The following SLC5A1 variants were observed in gnomAD, a reference collection of about 807,000 sequenced individuals.
SLC5A1 encodes sodium/glucose cotransporter 1.
SLC5A1 carries 42 observed loss-of-function variants against 73.5 expected under a neutral mutation model. The ratio of observed to expected loss-of-function variants is 0.57; its 90% CI spans 0.45 to 0.74. The LOEUF (loss-of-function observed/expected upper bound fraction) is 0.74, where lower values mean the gene tolerates loss of function less well. SLC5A1 is among the 30% of genes least tolerant of loss of function. The probability of loss-of-function intolerance (pLI) is 0.00; values close to 1 mark genes in which losing one functional copy is unlikely to be tolerated. For synonymous variants in SLC5A1, 300 were observed against 317.4 expected, an observed-to-expected ratio of 0.95 and a Z score of 0.58; for missense variants, 634 against 855.4, an observed-to-expected ratio of 0.74 and a Z score of 3.23.
chr22:32,101,764 A>G lies in SLC5A1; in HGVS notation c.1450-258A>G, dbSNP rs572346511. ...GTTATTAGACACTTTACCCCATTATATTATGGCTCCTTGTTTAATGATCGA... is the reference window on the plus strand; with the variant it reads ...GTTATTAGACACTTTACCCCATTATGTTATGGCTCCTTGTTTAATGATCGA... On this transcript the variant is annotated intron_variant, in intron 12 of 14. Transcript: ENST00000266088. Among the ~76,000 whole-genome samples the G allele has an allele frequency of 3.3e-5, 5 of 152,246 alleles. No individual in the cohort carries two copies. The East Asian group carries it at 9.7e-4, about 29-fold the overall frequency.
chr22:32,055,887 CTCAAACTG>C (rs1401429116), intron 2 of SLC5A1, among the ~76,000 whole-genome samples: 5 of 152,208 alleles, frequency 3.3e-5, no homozygotes, highest in Non-Finnish European at 7.3e-5. Context: ...GGATGGGGCT[CTCAAACTG>C]TGGTACCCAG....
rs200347872 is a variant in SLC5A1 at position 32,084,857 on chromosome 22, G to A, written c.886-43G>A. The A allele has an allele frequency of 4.6e-5, 74 of 1,612,822 alleles. 1 individual carries two copies. In the African/African-American group the frequency reaches 7.2e-4, roughly 16 times the overall value. On this transcript the variant is annotated intron_variant, in intron 8 of 14. Coordinates refer to ENST00000266088, the MANE Select transcript of SLC5A1 (RefSeq NM_000343.4). ...CTAGGAAGTACAAAGGTGTCACAGGGTCTCTGGTCTGCACACCTCCCTTAC... is the reference window on the plus strand; with the variant it reads ...CTAGGAAGTACAAAGGTGTCACAGGATCTCTGGTCTGCACACCTCCCTTAC...
Position 32,085,001 on chromosome 22 carries a change from G to A in SLC5A1, c.987G>A (p.Val329=), listed in dbSNP as rs770305399. The A allele has an allele frequency of 5.6e-6, 9 of 1,614,162 alleles. No homozygotes were observed. The Admixed American group carries it at 1.2e-4, about 21-fold the overall frequency. The change falls in exon 9 of 15, where the codon GTG becomes GTA. Residue 329 remains valine, a synonymous_variant. Coordinates refer to ENST00000266088, the MANE Select transcript of SLC5A1 (RefSeq NM_000343.4). ...YLKLMPMFIM[V]MPGMISRILY... ...AGCTGATGCCCATGTTCATCATGGT[G>A]ATGCCAGGAATGATCAGCCGCATTC...
chr22:32,068,767 G>A (rs2093978321), intron 5 of SLC5A1, among the ~76,000 whole-genome samples, 167 bp downstream of exon 5: 1 of 152,010 alleles, frequency 6.6e-6, no homozygotes, highest in Non-Finnish European at 1.5e-5. Flanking sequence ...GGAGCCAATG[G>A]AATTCAATGG....
chr22:32,091,834 C>T lies in SLC5A1; in HGVS notation c.1280+72C>T, dbSNP rs1031735417. ...GGTTCCATCTGTGTTACCCCTCAAG[C>T]TAGGGAAGGTTGGCAGATGCCTGGG... is the stretch of plus-strand genomic sequence containing the variant. On this transcript the variant is annotated intron_variant, in intron 11 of 14. Coordinates refer to ENST00000266088, the MANE Select transcript of SLC5A1 (RefSeq NM_000343.4). 7.2e-6 allele frequency: 11 copies of T among 1,533,226 alleles called. No individual in the cohort carries two copies. The Admixed American group carries it at 8.4e-5, about 12-fold the overall frequency. The allele number at this position is 1,533,226 out of a possible 1,614,324, so 95.0% of individuals were successfully genotyped here.
chr22:32,050,153 C>T (rs143708853), intron 2 of SLC5A1, 139 bp downstream of exon 2: 8,010 of 783,102 alleles, frequency 0.01, 112 homozygotes, highest in Non-Finnish European at 0.011. Context: ...GAGTCTCATG[C>T]TCATCGGGTC....
At chr22:32,064,867 G>A (rs1446381373) in intron 2 of SLC5A1, among the ~76,000 whole-genome samples, 2 of 152,112 alleles carry the variant, frequency 1.3e-5, no homozygotes, top group Non-Finnish European at 2.9e-5. Flanking sequence ...ACAACTTAGA[G>A]CAATTTAAAA....
chr22:32,049,089 T>A (rs1569298587), intron 1 of SLC5A1, among the ~76,000 whole-genome samples: 1 of 129,148 alleles, frequency 7.7e-6, no homozygotes, highest in African/African-American at 3.4e-5. Context: ...AATAAATAAA[T>A]AAATATATAT....
At position 32,099,190 on chromosome 22, in the gene SLC5A1, A is replaced by G; in HGVS notation, c.1288A>G (p.Ile430Val). Residue 430 changes from isoleucine (I) to valine (V), a missense_variant, in exon 12 of 15, where the codon ATC (isoleucine) becomes GTC (valine). Coordinates refer to ENST00000266088, the MANE Select transcript of SLC5A1 (RefSeq NM_000343.4). ...KELMIAGRLF[I>V]LVLIGISIAW... is the part of the protein sequence containing the mutation. ...TGGGGGCTTTAATTTCAGGTTGTTT[A>G]TCCTGGTGCTGATTGGCATCAGCAT... 6.3e-7 allele frequency: 1 copy of G among 1,598,770 alleles called. No individual in the cohort carries two copies. Among genetic ancestry groups the G allele is most frequent in the East Asian group, 2.3e-5 (1 of 43,494 alleles).
chr22:32,050,586 TG>T (rs2093943868), intron 2 of SLC5A1, among the ~76,000 whole-genome samples: 1 of 152,200 alleles, frequency 6.6e-6, no homozygotes, highest in Non-Finnish European at 1.5e-5. Context: ...TGGGCATTCC[TG>T]GGGTTTAGGG....
At chr22:32,105,289 A>ATTTT (rs750353760) in intron 14 of SLC5A1, among the ~76,000 whole-genome samples, 1 of 128,230 alleles carries the variant, frequency 7.8e-6, no homozygotes, top group African/African-American at 3.2e-5. Context: ...TGCACTCTTA[A>ATTTT]TTTTTTTTTT....
Position 32,110,676 on chromosome 22 carries a change from T to A in SLC5A1, c.*463T>A, listed in dbSNP as rs1300996166. The stretch of plus-strand genomic sequence containing the variant: ...TTCCCCTCATCATATCCCTCTTGAG[T>A]TTTGCCTGGACTTTCCCTCTCAAGT... On this transcript the variant is annotated 3_prime_UTR_variant, in exon 15 of 15. Coordinates refer to ENST00000266088, the MANE Select transcript of SLC5A1 (RefSeq NM_000343.4). 7.8e-6 allele frequency: 2 copies of A among 255,448 alleles called. No homozygotes were observed. Among genetic ancestry groups the A allele is most frequent in the Non-Finnish European group, 1.5e-5 (2 of 131,146 alleles). The allele number at this position is 255,448 out of a possible 1,614,324, so 15.8% of individuals were successfully genotyped here.
chr22:32,104,621 T>A (rs567092067), intron 13 of SLC5A1, among the ~76,000 whole-genome samples, 165 bp from the exon 14 acceptor site: 3 of 152,332 alleles, frequency 2.0e-5, no homozygotes, highest in African/African-American at 7.2e-5. Flanking sequence ...GTTACCAATG[T>A]TTTTAGAGAT....
At chr22:32,060,590 G>C (rs1474403216) in intron 2 of SLC5A1, among the ~76,000 whole-genome samples, 1 of 151,866 alleles carries the variant, frequency 6.6e-6, no homozygotes, top group African/African-American at 2.4e-5. Context: ...TTTTTGGAGG[G>C]GACACGGTCT....
intron 5 of SLC5A1, among the ~76,000 whole-genome samples, chr22:32,078,613 G>C (rs1249717453): frequency 6.6e-6 from 1 of 152,082 alleles, no homozygotes; most frequent in Non-Finnish European, 1.5e-5. Context: ...TATTTTATTT[G>C]AGATTTTATT....
chr22:32,058,914 G>A (rs1380256365), intron 2 of SLC5A1, among the ~76,000 whole-genome samples: 1 of 152,170 alleles, frequency 6.6e-6, no homozygotes, highest in East Asian at 1.9e-4. Flanking sequence ...GCATGTCCCT[G>A]AGAAGAGTCC....
At chr22:32,092,029 T>C (rs1449353919) in intron 11 of SLC5A1, among the ~76,000 whole-genome samples, 3 of 152,304 alleles carry the variant, frequency 2.0e-5, no homozygotes, top group African/African-American at 4.8e-5. Flanking sequence ...ATTTGTGAGA[T>C]TTTGGTACAC....
At chr22:32,073,319 G>A (rs539449299) in intron 5 of SLC5A1, among the ~76,000 whole-genome samples, 2 of 152,220 alleles carry the variant, frequency 1.3e-5, no homozygotes, top group East Asian at 3.9e-4. Context: ...CCCACTGAAT[G>A]GTCTTGCACG....
At chr22:32,053,682 C>T (rs2093947945) in intron 2 of SLC5A1, among the ~76,000 whole-genome samples, 2 of 152,092 alleles carry the variant, frequency 1.3e-5, no homozygotes, top group South Asian at 4.1e-4. Context: ...AAAAAAATAC[C>T]ATTTTTTGTA....
Sources: allele counts gnomAD v4.1 joint callset (sites outside exome capture counted in the v4.1 genomes callset), GRCh38; gene constraint gnomAD v4.1.1; transcripts MANE v1.5; gene names NCBI Gene and HGNC (gene_info 2026-07-23, HGNC 2026-07-21).